The following ABCA4 variants were observed in gnomAD, a reference collection of about 807,000 sequenced individuals.
The protein encoded by ABCA4 is retinal-specific phospholipid-transporting ATPase ABCA4.
A neutral mutation model predicts 263.7 loss-of-function variants in ABCA4; 196 were observed. The ratio of observed to expected loss-of-function variants is 0.74; its 90% CI spans 0.66 to 0.84. The LOEUF is 0.84. Ranked by LOEUF, ABCA4 falls within the 40% of genes least tolerant of loss-of-function variation. ABCA4 has a pLI of 0.00. For missense variants in ABCA4, 2,792 were observed against 2,855.1 expected (o/e 0.98, Z 0.50); for synonymous variants, 1,133 against 1,094.2 (o/e 1.04, Z -0.70).
At chr1:94,023,511 C>G (rs1293460435) in intron 31 of ABCA4, 93 bp from the exon 32 acceptor site, 1 of 1,152,500 alleles carries the variant, frequency 8.7e-7, no homozygotes, top group Non-Finnish European at 1.3e-6. Context: ...AGACTGAAGT[C>G]TCAGTCTTCA....
intron 5 of ABCA4, 93 bp from the exon 6 acceptor site, chr1:94,099,084 A>ATGGC (rs1422038919): frequency 4.4e-5 from 59 of 1,329,972 alleles, no homozygotes; most frequent in Non-Finnish European, 5.9e-5. Context: ...CTTGTGTTAC[A>ATGGC]TGGCGACAGG....
chr1:94,062,731 C>A lies in ABCA4; in HGVS notation c.1783G>T (p.Ala595Ser). The stretch of plus-strand genomic sequence containing the variant: ...TACCGGAAATCTTCCACGGGATCAG[C>A]TCTGGGACCAGAATCCCAATACCTG... ...KDRYWDSGPR[A>S]DPVEDFRYIW... Residue 595 changes from alanine (A) to serine (S), a missense_variant, in exon 13 of 50, where the codon GCT becomes TCT. By Grantham distance (99) the Ala-to-Ser change is moderately conservative. Transcript: ENST00000370225. The A allele has an allele frequency of 6.2e-7, 1 of 1,614,082 alleles. No individual in the cohort carries two copies. The highest frequency in any genetic ancestry group is 8.5e-7 in the Non-Finnish European group (1 of 1,179,996).
At position 94,080,538 on chromosome 1, in the gene ABCA4, C is replaced by G. The variant is rs764915204; in HGVS notation, c.1039G>C (p.Ala347Pro). The G allele has an allele frequency of 6.2e-7, 1 of 1,614,066 alleles. No individual in the cohort carries two copies. Among genetic ancestry groups the G allele is most frequent in the Non-Finnish European group, 8.5e-7 (1 of 1,180,002 alleles). Residue 347 changes from alanine to proline, a missense_variant, in exon 8 of 50, where the codon GCC (alanine) becomes CCC (proline). Coordinates refer to ENST00000370225, the MANE Select transcript of ABCA4 (RefSeq NM_000350.3). ...FNWYEDNNYK[A>P]FLGIDSTRKD... ...CTTGTGGAGTCAATCCCCAGAAAGG[C>G]CTTATAGTTATTGTCTTCATACCAG... is the stretch of plus-strand genomic sequence containing the variant.
At chr1:94,077,567 C>G in intron 11 of ABCA4, 123 bp downstream of exon 11, 2 of 912,158 alleles carry the variant, frequency 2.2e-6, no homozygotes, top group South Asian at 3.5e-5. Context: ...TGTAGGGATT[C>G]TTGTTTCTTC....
chr1:94,115,569 G>A (rs10782976), intron 1 of ABCA4, among the ~76,000 whole-genome samples: 61,275 of 151,942 alleles, frequency 0.4, 13,320 homozygotes, highest in East Asian at 0.65. Context: ...ACCTTGGGCA[G>A]CCCACTCAAC....
chr1:94,096,094 G>T (rs1336905326), intron 6 of ABCA4, among the ~76,000 whole-genome samples: 2 of 152,200 alleles, frequency 1.3e-5, no homozygotes, highest in African/African-American at 2.4e-5. Context: ...GGTGTGTGGG[G>T]TACTATTATT....
intron 32 of ABCA4, 57 bp from the exon 33 acceptor site, chr1:94,022,008 A>C: frequency 7.0e-7 from 1 of 1,425,652 alleles, no homozygotes; most frequent in Non-Finnish European, 9.9e-7. Flanking sequence ...GCCTACTAGT[A>C]GCTCTCTCGG....
chr1:94,046,714 G>A (rs1435214474), intron 19 of ABCA4, among the ~76,000 whole-genome samples: 1 of 152,088 alleles, frequency 6.6e-6, no homozygotes, highest in Non-Finnish European at 1.5e-5. Flanking sequence ...CACACAAAAG[G>A]GGCAATAAAC....
chr1:94,117,028 T>TTTTC (rs1310643060), intron 1 of ABCA4, among the ~76,000 whole-genome samples: 1 of 109,846 alleles, frequency 9.1e-6, no homozygotes, highest in Non-Finnish European at 2.0e-5. Context: ...CTTTCTTTCC[T>TTTTC]TTTCTTTCTT....
At chr1:94,002,078 T>G in intron 44 of ABCA4, 86 bp from the exon 45 acceptor site, 2 of 1,595,056 alleles carry the variant, frequency 1.3e-6, no homozygotes, top group Non-Finnish European at 1.7e-6. Flanking sequence ...CTCCCAGATC[T>G]CACGCCTCCA....
intron 19 of ABCA4, among the ~76,000 whole-genome samples, chr1:94,046,165 T>C (rs1028066319): frequency 2.0e-5 from 3 of 151,522 alleles, no homozygotes; most frequent in African/African-American, 7.3e-5. Flanking sequence ...GGACTCGGCC[T>C]GGTGCGGTCG....
At position 94,044,072 on chromosome 1, in the gene ABCA4, TCTCC is replaced by T. The variant is rs1174669128; in HGVS notation, c.3050+537_3050+540del. 1.7e-3 allele frequency among the ~76,000 whole-genome samples: 7 copies of T among 4,110 alleles called. No individual in the cohort carries two copies. In the Non-Finnish European group the frequency reaches 0.019, roughly 11 times the overall value. 2.7% of individuals were successfully genotyped at this position (4,110 alleles called of 152,430 possible). The stretch of plus-strand genomic sequence containing the variant: ...CCCCTCCCTCCCTCCCTCGCTTCCT[TCTCC>T]CCTCCCTCCCTCCCTTCTTTCCTTC... On this transcript the variant is annotated intron_variant, in intron 20 of 49. Coordinates refer to ENST00000370225, the MANE Select transcript of ABCA4 (RefSeq NM_000350.3).
chr1:94,004,375 T>C (rs371889637), intron 44 of ABCA4, among the ~76,000 whole-genome samples: 27 of 152,324 alleles, frequency 1.8e-4, no homozygotes, highest in African/African-American at 6.3e-4. Flanking sequence ...CATCAAAACA[T>C]TTATTAATTT....
intron 30 of ABCA4, chr1:94,025,476 A>C: frequency 3.6e-6 from 1 of 278,092 alleles, no homozygotes; most frequent in South Asian, 4.1e-5. Flanking sequence ...TTACTTATCC[A>C]CTCCAATAAA....
At chr1:94,000,957 G>A (rs765829863) in intron 46 of ABCA4, 29 bp from the exon 47 acceptor site, 2 of 1,614,140 alleles carry the variant, frequency 1.2e-6, no homozygotes, top group African/African-American at 1.3e-5. Context: ...GAGGTGAGCA[G>A]GAGAGGATTC....
chr1:94,048,776 C>A, intron 18 of ABCA4, 92 bp downstream of exon 18: 1 of 1,263,746 alleles, frequency 7.9e-7, no homozygotes, highest in Non-Finnish European at 1.2e-6. Flanking sequence ...AGGCTTCTTT[C>A]CACCCTTGCC....
At chr1:94,020,902 A>G (rs2101022336) in intron 35 of ABCA4, among the ~76,000 whole-genome samples, 1 of 152,384 alleles carries the variant, frequency 6.6e-6, no homozygotes, top group South Asian at 2.1e-4. Context: ...GAGGGAGCTG[A>G]AAGGTTTACT....
Position 94,121,063 on chromosome 1 carries a change from G to GACC in ABCA4, c.-21_-19dup. 23 of 1,613,764 alleles carry GACC rather than the reference G, an allele frequency of 1.4e-5. 1 individual carries two copies. The highest frequency in any genetic ancestry group is 1.9e-5 in the Non-Finnish European group (22 of 1,179,678). ...AAGCCCATGCTAATGACCACACGAA[G>GACC]ACCAGATTGGTCAGAGCTGAGGCCC... is the stretch of plus-strand genomic sequence containing the variant. On this transcript the variant is annotated 5_prime_UTR_variant, in exon 1 of 50. Coordinates refer to ENST00000370225, the MANE Select transcript of ABCA4 (RefSeq NM_000350.3).
chr1:94,056,771 A>G lies in ABCA4; in HGVS notation c.2212T>C (p.Leu738=), dbSNP rs1247124994. The change falls in exon 15 of 50, where the codon TTG becomes CTG. Residue 738 remains leucine, a synonymous_variant. Coordinates refer to ENST00000370225, the MANE Select transcript of ABCA4 (RefSeq NM_000350.3). ...ATGATGGTGGCAGTGGAGAAAGCCA[A>G]CAAGAACAGGAAGAGGATGAATGGG... ...SDPFILFLFL[L]AFSTATIMLC... 2 of 1,613,162 alleles carry G rather than the reference A, an allele frequency of 1.2e-6. No homozygotes were observed. The highest frequency in any genetic ancestry group is 2.2e-5 in the East Asian group (1 of 44,852).
Sources: gnomAD v4.1 joint callset for allele counts (sites outside exome capture counted in the v4.1 genomes callset) on GRCh38, gnomAD v4.1.1 for gene constraint, MANE v1.5 for transcripts, NCBI Gene and HGNC (gene_info 2026-07-23, HGNC 2026-07-21) for gene names.